PUM3: variants seen among roughly 807,000 people sequenced by gnomAD.
The protein encoded by PUM3 is pumilio RNA binding family member 3, also known as pumilio homolog 3.
In PUM3, 91 loss-of-function variants were observed where a neutral mutation model predicts 84.0. The ratio of observed to expected loss-of-function variants is 1.08; its 90% CI spans 0.91 to 1.29. The LOEUF is 1.29. Ranked by LOEUF, PUM3 falls within the 50% of genes most tolerant of loss-of-function variation. PUM3 has a pLI of 0.00. For synonymous variants in PUM3, 321 were observed against 266.7 expected (o/e 1.20, Z -1.98); for missense variants, 1,067 against 767.5 (o/e 1.39, Z -4.61).
intron 12 of PUM3, among the ~76,000 whole-genome samples, chr9:2,821,695 T>C (rs758521679): frequency 5.3e-5 from 8 of 152,156 alleles, no homozygotes; most frequent in African/African-American, 9.7e-5. Flanking sequence ...TGAAGAGCAA[T>C]TGACAACACC....
intron 15 of PUM3, 119 bp downstream of exon 15, chr9:2,811,242 G>C: frequency 1.3e-6 from 1 of 748,008 alleles, no homozygotes; most frequent in East Asian, 2.5e-5. Flanking sequence ...AGAGGTTCTT[G>C]GTTGTTTATT....
At chr9:2,805,759 T>C (rs1821244250) in intron 17 of PUM3, among the ~76,000 whole-genome samples, 1 of 151,998 alleles carries the variant, frequency 6.6e-6, no homozygotes, top group Non-Finnish European at 1.5e-5. Flanking sequence ...TCCAATCTAG[T>C]TTTCATAACG....
chr9:2,824,162 CAGTT>C (rs1815743999), intron 11 of PUM3, among the ~76,000 whole-genome samples: 1 of 152,054 alleles, frequency 6.6e-6, no homozygotes, highest in African/African-American at 2.4e-5. Context: ...GTCTAGCAAA[CAGTT>C]AGTACTCATC....
At chr9:2,806,275 T>C (rs533483526) in intron 17 of PUM3, among the ~76,000 whole-genome samples, 34 of 152,376 alleles carry the variant, frequency 2.2e-4, no homozygotes, top group African/African-American at 8.2e-4. Flanking sequence ...ATGTATCAGC[T>C]AACGAATTCT....
intron 12 of PUM3, among the ~76,000 whole-genome samples, chr9:2,821,091 A>G (rs1242008676): frequency 6.6e-6 from 1 of 152,228 alleles, no homozygotes; most frequent in East Asian, 1.9e-4. Context: ...CTGTAAAGTC[A>G]AAAAGACAAA....
At chr9:2,837,139 CGTTCAGGCACTA>C in intron 3 of PUM3, 29 bp downstream of exon 3, 1 of 1,536,330 alleles carries the variant, frequency 6.5e-7, no homozygotes, top group Non-Finnish European at 9.0e-7. Flanking sequence ...TGTGCACAAT[CGTTCAGGCACTA>C]GTTCAGGCAT....
chr9:2,818,001 C>G lies in PUM3; in HGVS notation c.1269+2017G>C, dbSNP rs150194135. On this transcript the variant is annotated intron_variant, in intron 13 of 17. Transcript: ENST00000397885. ...TTTAGGAAAGTAGTAAGAAAGAGCTCGTATCCATTTTGAAAGGCGAAGAGC... is the reference window on the plus strand; with the variant it reads ...TTTAGGAAAGTAGTAAGAAAGAGCTGGTATCCATTTTGAAAGGCGAAGAGC... Among the ~76,000 whole-genome samples the G allele has an allele frequency of 2.3e-4, 35 of 152,270 alleles. 1 individual carries two copies. In the East Asian group the frequency reaches 4.4e-3, roughly 19 times the overall value.
At chr9:2,805,313 G>A (rs964570934) in intron 17 of PUM3, among the ~76,000 whole-genome samples, 1 of 152,150 alleles carries the variant, frequency 6.6e-6, no homozygotes, top group Non-Finnish European at 1.5e-5. Context: ...AGCCATAGAG[G>A]CTGGTAACAG....
At chr9:2,820,200 TCAA>T in intron 12 of PUM3, 102 bp from the exon 13 acceptor site, 18 of 208,210 alleles carry the variant, frequency 8.6e-5, no homozygotes, top group South Asian at 3.6e-4. Flanking sequence ...GAGACTCCGC[TCAA>T]AAAAAAAAAA....
chr9:2,830,018 T>TA (rs1815933151), intron 7 of PUM3, 70 bp from the exon 8 acceptor site: 1 of 1,399,682 alleles, frequency 7.1e-7, no homozygotes, highest in East Asian at 2.3e-5. Flanking sequence ...AAACACAACT[T>TA]ACTTCTCCCA....
chr9:2,805,554 G>C (rs1170270976), intron 17 of PUM3, among the ~76,000 whole-genome samples: 3 of 152,152 alleles, frequency 2.0e-5, no homozygotes, highest in Non-Finnish European at 4.4e-5. Context: ...GCTTATGGGA[G>C]ATAAGAAACA....
intron 13 of PUM3, among the ~76,000 whole-genome samples, chr9:2,816,880 G>C (rs373870747): frequency 6.6e-6 from 1 of 152,328 alleles, no homozygotes; most frequent in African/African-American, 2.4e-5. Flanking sequence ...AGTGATTATC[G>C]GGCTATGATT....
intron 9 of PUM3, among the ~76,000 whole-genome samples, chr9:2,827,684 G>A (rs188489767): frequency 6.6e-6 from 1 of 152,178 alleles, no homozygotes; most frequent in South Asian, 2.1e-4. Context: ...GGAGGCCGAT[G>A]GTCAGGCATA....
chr9:2,819,163 C>G (rs898893926), intron 13 of PUM3, among the ~76,000 whole-genome samples: 1 of 152,122 alleles, frequency 6.6e-6, no homozygotes, highest in Non-Finnish European at 1.5e-5. Context: ...TTTCTTATCC[C>G]CACCCTGCTG....
chr9:2,804,440 T>C lies in PUM3; in HGVS notation c.1838A>G (p.Glu613Gly), dbSNP rs776426760. The C allele has an allele frequency of 1.9e-6, 3 of 1,614,028 alleles. No individual in the cohort carries two copies. Among genetic ancestry groups the C allele is most frequent in the Middle Eastern group, 1.6e-4 (1 of 6,062 alleles). ...LSSLLQSCDLEVANKVKAALK... is the reference protein window; with the variant it reads ...LSSLLQSCDLGVANKVKAALK... ...TGCAGCTTTGACTTTGTTTGCAACT[T>C]CCAGGTCACAACTCTGGAGGAGGCT... The change falls in exon 18 of 18, where the codon GAA becomes GGA. Residue 613 changes from glutamate to glycine, a missense_variant. Transcript: ENST00000397885.
chr9:2,820,868 AAAG>A (rs1469311251), intron 12 of PUM3, among the ~76,000 whole-genome samples: 1 of 152,196 alleles, frequency 6.6e-6, no homozygotes, highest in African/African-American at 2.4e-5. Flanking sequence ...CCAAACATTT[AAAG>A]AACACCTACT....
At position 2,837,228 on chromosome 9, in the gene PUM3, T is replaced by C; in HGVS notation, c.256A>G (p.Asn86Asp). 6.2e-7 allele frequency: 1 copy of C among 1,614,186 alleles called. No homozygotes were observed. The highest frequency in any genetic ancestry group is 1.3e-5 in the African/African-American group (1 of 75,046). The change falls in exon 3 of 18, where the codon AAT (asparagine) becomes GAT (aspartate). Residue 86 changes from asparagine to aspartate, a missense_variant. Transcript: ENST00000397885. The part of the protein sequence containing the change: ...KSPKNKFQPA[N>D]KFNKKRKFQP... ...AATTTTCTCTTCTTGTTGAATTTATTTGCCGGCTGGAATTTGTTCTTTGGT... is the reference window on the plus strand; with the variant it reads ...AATTTTCTCTTCTTGTTGAATTTATCTGCCGGCTGGAATTTGTTCTTTGGT...
At position 2,837,565 on chromosome 9, in the gene PUM3, C is replaced by G. The variant is rs568664179; in HGVS notation, c.83-164G>C. On this transcript the variant is annotated intron_variant, in intron 2 of 17. Coordinates refer to ENST00000397885, the MANE Select transcript of PUM3 (RefSeq NM_014878.5). ...TTGAGTAGAACTGGATTTAAACAAT[C>G]AAAACAAAAATAAAAAATTCTTTCC... is the stretch of plus-strand genomic sequence containing the variant. Among the ~76,000 whole-genome samples, 10 of 152,120 alleles carry G rather than the reference C, an allele frequency of 6.6e-5. No homozygotes were observed. In the South Asian group the frequency reaches 2.1e-3, roughly 32 times the overall value.
chr9:2,840,732 A>T (rs1023110070), intron 1 of PUM3, among the ~76,000 whole-genome samples: 1 of 152,110 alleles, frequency 6.6e-6, no homozygotes, highest in African/African-American at 2.4e-5. Flanking sequence ...GACGCGGCCC[A>T]ACTGTTTTGT....
Sources: gnomAD v4.1 joint callset for allele counts (sites outside exome capture counted in the v4.1 genomes callset) on GRCh38, gnomAD v4.1.1 for gene constraint, MANE v1.5 for transcripts, NCBI Gene and HGNC (gene_info 2026-07-23, HGNC 2026-07-21) for gene names.